RBFOX1: variants seen among roughly 807,000 people sequenced by gnomAD.
RBFOX1 encodes the protein RNA binding fox-1 homolog 1.
RBFOX1 carries 8 observed loss-of-function variants against 57.7 expected under a neutral mutation model. The observed-to-expected ratio is 0.14, with a 90% CI of 0.08 to 0.25. The LOEUF (loss-of-function observed/expected upper bound fraction) is 0.25. RBFOX1 is among the 10% of genes least tolerant of loss of function. The probability of loss-of-function intolerance (pLI) is 1.00; values close to 1 mark genes in which losing one functional copy is unlikely to be tolerated. For synonymous variants in RBFOX1, 326 were observed against 222.4 expected (o/e 1.47, Z -4.15); for missense variants, 611 against 548.5 (o/e 1.11, Z -1.14).
intron 3 of RBFOX1, among the ~76,000 whole-genome samples, chr16:5,672,876 TG>T (rs2050055185): frequency 1.3e-5 from 2 of 151,942 alleles, no homozygotes; most frequent in Non-Finnish European, 2.9e-5. Flanking sequence ...TGTGTGTGTG[TG>T]TGTGTGTGTG....
At chr16:6,855,545 G>C (rs12598658) in intron 3 of RBFOX1, among the ~76,000 whole-genome samples, 116,871 of 151,056 alleles carry the variant, frequency 0.77, 46,093 homozygotes, top group African/African-American at 0.92. Flanking sequence ...CCCAGCTACT[G>C]GGGAGGCTGA....
chr16:6,241,185 C>A (rs929319769), intron 1 of RBFOX1, among the ~76,000 whole-genome samples: 2 of 152,102 alleles, frequency 1.3e-5, no homozygotes, highest in African/African-American at 4.8e-5. Context: ...TAAAAATAAG[C>A]GAAATATGCA....
chr16:7,315,272 A>C (rs1008699749), intron 4 of RBFOX1, among the ~76,000 whole-genome samples: 2 of 152,148 alleles, frequency 1.3e-5, no homozygotes, highest in Non-Finnish European at 1.5e-5. Flanking sequence ...GATACTTTAA[A>C]TATTCCAGTC....
chr16:6,839,024 G>T (rs1567495179), intron 3 of RBFOX1, among the ~76,000 whole-genome samples: 1 of 151,050 alleles, frequency 6.6e-6, no homozygotes, highest in African/African-American at 2.4e-5. Flanking sequence ...TTGCTCTGTC[G>T]ACGAGGCTGG....
intron 3 of RBFOX1, among the ~76,000 whole-genome samples, chr16:7,000,090 ATTAT>A (rs939344282): frequency 1.4e-5 from 2 of 144,266 alleles, no homozygotes; most frequent in African/African-American, 5.1e-5. Flanking sequence ...AAAAAAAAAG[ATTAT>A]TTAAGTAGGT....
chr16:5,736,782 T>C (rs895842986), intron 3 of RBFOX1, among the ~76,000 whole-genome samples: 2 of 151,860 alleles, frequency 1.3e-5, no homozygotes, highest in African/African-American at 2.4e-5. Context: ...TCCATCTGTT[T>C]ATGTGTCTGT....
intron 3 of RBFOX1, among the ~76,000 whole-genome samples, chr16:6,745,016 A>G (rs950849826): frequency 6.6e-6 from 1 of 152,064 alleles, no homozygotes; most frequent in East Asian, 1.9e-4. Flanking sequence ...TACAGACTCT[A>G]TAGGTATTAA....
chr16:5,975,008 C>G (rs2060033959), intron 4 of RBFOX1, among the ~76,000 whole-genome samples: 1 of 151,920 alleles, frequency 6.6e-6, no homozygotes, highest in Non-Finnish European at 1.5e-5. Context: ...AACTCCGTCT[C>G]AAAAATAAAT....
chr16:6,392,869 C>G (rs979952333), intron 2 of RBFOX1, among the ~76,000 whole-genome samples: 2 of 152,142 alleles, frequency 1.3e-5, no homozygotes, highest in Admixed American at 1.3e-4. Flanking sequence ...CGTCATGGGC[C>G]ATATTTTTAT....
chr16:6,446,434 A>T (rs1253144538), intron 2 of RBFOX1, among the ~76,000 whole-genome samples: 2 of 152,236 alleles, frequency 1.3e-5, no homozygotes, highest in African/African-American at 2.4e-5. Context: ...ATAGATTTTA[A>T]ACTTAAAAAA....
chr16:7,619,473 C>CA (rs1568128557), intron 10 of RBFOX1, among the ~76,000 whole-genome samples: 2 of 148,276 alleles, frequency 1.3e-5, no homozygotes, highest in East Asian at 4.0e-4. Flanking sequence ...CTACTCTCAC[C>CA]AAAAAAGTCA....
chr16:5,423,939 G>T (rs1176271533), intron 1 of RBFOX1, among the ~76,000 whole-genome samples: 2 of 152,108 alleles, frequency 1.3e-5, no homozygotes, highest in African/African-American at 2.4e-5. Context: ...AACCTTGTGA[G>T]GTTTTCTGGG....
At chr16:5,645,887 T>G (rs1188510384) in intron 3 of RBFOX1, among the ~76,000 whole-genome samples, 1 of 152,206 alleles carries the variant, frequency 6.6e-6, no homozygotes, top group Non-Finnish European at 1.5e-5. Context: ...TATGCTGGAA[T>G]GCAATGGCGT....
chr16:6,135,986 G>T (rs1334934518), intron 1 of RBFOX1, among the ~76,000 whole-genome samples: 1 of 151,740 alleles, frequency 6.6e-6, no homozygotes, highest in Non-Finnish European at 1.5e-5. Context: ...GTAGAGATGG[G>T]TTTTCACCAT....
At chr16:6,863,740 TTTTTTTTTTTTTA>T (rs1307984132) in intron 3 of RBFOX1, among the ~76,000 whole-genome samples, 2 of 85,340 alleles carry the variant, frequency 2.3e-5, no homozygotes, top group South Asian at 7.1e-4. Flanking sequence ...TTTTTTTTTT[TTTTTTTTTTTTTA>T]CCAAAACCAA....
intron 2 of RBFOX1, among the ~76,000 whole-genome samples, chr16:6,382,547 G>C (rs566401230): frequency 6.6e-6 from 1 of 152,282 alleles, no homozygotes; most frequent in South Asian, 2.1e-4. Context: ...GAGAAGCCTA[G>C]CTTCATTAAG....
intron 2 of RBFOX1, among the ~76,000 whole-genome samples, chr16:6,402,405 A>C (rs1420693870): frequency 6.6e-6 from 1 of 152,254 alleles, no homozygotes; most frequent in East Asian, 1.9e-4. Flanking sequence ...AAAAATGAAC[A>C]AACACATTTG....
chr16:6,794,352 C>G (rs1029513332), intron 3 of RBFOX1, among the ~76,000 whole-genome samples: 1 of 141,722 alleles, frequency 7.1e-6, no homozygotes, highest in Admixed American at 7.2e-5. Context: ...CATTCTCAAA[C>G]TACAGGAAAT....
At chr16:5,902,626 G>C (rs1597712406) in intron 4 of RBFOX1, among the ~76,000 whole-genome samples, 1 of 152,048 alleles carries the variant, frequency 6.6e-6, no homozygotes, top group East Asian at 1.9e-4. Context: ...ATGTTAGCCA[G>C]GCTGGTCTCA....
Sources: gnomAD v4.1 joint callset for allele counts (sites outside exome capture counted in the v4.1 genomes callset) on GRCh38, gnomAD v4.1.1 for gene constraint, MANE v1.5 for transcripts, NCBI Gene and HGNC (gene_info 2026-07-23, HGNC 2026-07-21) for gene names.